The following PKIB variants were observed in gnomAD, a reference collection of about 807,000 sequenced individuals.
PKIB encodes PKI-beta.
A neutral mutation model predicts 4.5 loss-of-function variants in PKIB; 2 were observed. The observed-to-expected ratio is 0.44, with a 90% CI of 0.18 to 1.39. The LOEUF is 1.39. Ranked by LOEUF, PKIB falls within the 40% of genes most tolerant of loss-of-function variation. PKIB has a pLI of 0.27. For missense variants in PKIB, 94 were observed against 92.6 expected, an observed-to-expected ratio of 1.02 and a Z score of -0.06; for synonymous variants, 38 against 36.0, an observed-to-expected ratio of 1.06 and a Z score of -0.20.
intron 2 of PKIB, among the ~76,000 whole-genome samples, chr6:122,547,388 T>G (rs558914974): frequency 9.9e-5 from 15 of 152,098 alleles, no homozygotes; most frequent in Non-Finnish European, 1.3e-4. Flanking sequence ...CAGGCTGGAG[T>G]GCAATGGCAC....
chr6:122,711,309 C>G (rs1779265347), intron 3 of PKIB, among the ~76,000 whole-genome samples: 1 of 152,090 alleles, frequency 6.6e-6, no homozygotes, highest in Non-Finnish European at 1.5e-5. Context: ...TTACGGAAAG[C>G]AGCAGGAGGA....
chr6:122,651,238 C>G (rs1233806305), intron 2 of PKIB, among the ~76,000 whole-genome samples: 1 of 152,186 alleles, frequency 6.6e-6, no homozygotes, highest in Non-Finnish European at 1.5e-5. Flanking sequence ...ACAATTATCC[C>G]ACATACTTAA....
At chr6:122,707,863 TG>T (rs1227310384) in intron 3 of PKIB, among the ~76,000 whole-genome samples, 1 of 152,212 alleles carries the variant, frequency 6.6e-6, no homozygotes, top group East Asian at 1.9e-4. Context: ...GCACTGTTAC[TG>T]GATAGCGGGA....
intron 2 of PKIB, among the ~76,000 whole-genome samples, chr6:122,569,010 T>C (rs1773278321): frequency 6.6e-6 from 1 of 152,032 alleles, no homozygotes; most frequent in African/African-American, 2.4e-5. Context: ...TACTCTCCAC[T>C]CCCTTTGCAA....
At chr6:122,485,547 C>T (rs948729235) in intron 2 of PKIB, among the ~76,000 whole-genome samples, 18 of 152,096 alleles carry the variant, frequency 1.2e-4, no homozygotes, top group Admixed American at 7.2e-4. Context: ...TAGCATCAGT[C>T]GTGTGTTACT....
At chr6:122,701,616 C>A in intron 3 of PKIB, 1 of 1,206,174 alleles carries the variant, frequency 8.3e-7, no homozygotes, top group Non-Finnish European at 1.2e-6. Flanking sequence ...GCAGTTCTGT[C>A]TCAGGTACCC....
intron 2 of PKIB, among the ~76,000 whole-genome samples, chr6:122,562,004 G>GTTTT (rs758656278): frequency 2.5e-5 from 2 of 79,478 alleles, no homozygotes; most frequent in Admixed American, 1.7e-4. Context: ...GTTTTTTTTT[G>GTTTT]TTTTTTTTTT....
At chr6:122,609,686 A>T (rs548422929), upstream of PKIB, among the ~76,000 whole-genome samples, 26 of 152,356 alleles carry the variant, frequency 1.7e-4, no homozygotes, top group Admixed American at 1.5e-3. Context: ...CAGGAAGCAG[A>T]TAAATTAATT....
intron 2 of PKIB, among the ~76,000 whole-genome samples, chr6:122,582,727 A>G (rs994783642): frequency 3.3e-5 from 5 of 152,114 alleles, no homozygotes; most frequent in Non-Finnish European, 5.9e-5. Context: ...ACTCATGGCC[A>G]GGTTAATATT....
intron 1 of PKIB, among the ~76,000 whole-genome samples, chr6:122,628,042 CTT>C (rs68139551): frequency 9.1e-5 from 13 of 142,384 alleles, no homozygotes; most frequent in Non-Finnish European, 9.3e-5. Flanking sequence ...GTATCCAGTT[CTT>C]TTTTTTTTTT....
In PKIB at chr6:122,517,090, G is replaced by A. The variant is rs80110743; in HGVS notation, c.-248+39151G>A. On this transcript the variant is annotated intron_variant, in intron 2 of 6. Transcript: ENST00000392491. ...ATGGTCTTTAAAAATATTCCATCAC[G>A]GATTATGTTTCTGTTTTTTTGTTGT... is the stretch of plus-strand genomic sequence containing the variant. Among the ~76,000 whole-genome samples the A allele has an allele frequency of 1.6e-3, 250 of 152,132 alleles. 2 individuals carry two copies. The East Asian group carries it at 0.032, about 20-fold the overall frequency.
At chr6:122,722,469 A>G (rs534335050) in intron 4 of PKIB, among the ~76,000 whole-genome samples, 5 of 152,284 alleles carry the variant, frequency 3.3e-5, no homozygotes, top group African/African-American at 4.8e-5. Flanking sequence ...ACTTCATATC[A>G]TCTTCTGCTC....
chr6:122,547,160 T>G (rs184871036), intron 2 of PKIB, among the ~76,000 whole-genome samples: 6 of 152,116 alleles, frequency 3.9e-5, no homozygotes, highest in Admixed American at 3.9e-4. Context: ...CCTCTCAGAT[T>G]TGGAAAGGTG....
chr6:122,514,588 A>G (rs1026493273), intron 2 of PKIB, among the ~76,000 whole-genome samples: 12 of 152,236 alleles, frequency 7.9e-5, no homozygotes, highest in African/African-American at 1.2e-4. Context: ...TAAGGGTTTA[A>G]AATATTTATC....
At chr6:122,485,209 T>TG (rs1775729869) in intron 2 of PKIB, among the ~76,000 whole-genome samples, 25 of 151,378 alleles carry the variant, frequency 1.7e-4, no homozygotes, top group South Asian at 2.1e-4. Flanking sequence ...ACAAAAATAT[T>TG]CTTTTTTTTT....
intron 1 of PKIB, among the ~76,000 whole-genome samples, chr6:122,613,837 C>A (rs1774868747): frequency 6.6e-6 from 1 of 151,622 alleles, no homozygotes; most frequent in Admixed American, 6.6e-5. Context: ...GTGGTGCACA[C>A]CTGTAGTCCC....
In PKIB at chr6:122,576,708, A is replaced by ATT. The variant is rs1260230833; in HGVS notation, c.-247-9212_-247-9211insTT. On this transcript the variant is annotated intron_variant, in intron 2 of 6. Coordinates refer to the PKIB transcript ENST00000392491. ...AAAAAAAATATATATATATATATAT[A>ATT]TATTTTCTTTTGTATAATTATACCT... Among the ~76,000 whole-genome samples the ATT allele has an allele frequency of 2.4e-4, 27 of 113,926 alleles. 1 individual carries two copies. The highest frequency in any genetic ancestry group is 1.1e-3 in the African/African-American group (27 of 25,620). 74.7% of individuals were successfully genotyped at this position (113,926 alleles called of 152,430 possible).
intron 2 of PKIB, among the ~76,000 whole-genome samples, chr6:122,493,862 C>A (rs1433949221): frequency 2.6e-5 from 4 of 152,116 alleles, no homozygotes; most frequent in Non-Finnish European, 5.9e-5. Context: ...CAGCCAGGGA[C>A]CACATTGTTC....
rs762409400 is a variant in PKIB, at chr6:122,522,691, G to A, written c.-248+44752G>A. ...GTTTCCCCAACCCCTTTTGCTTCCC[G>A]GGTGAGGCAATGCCCCACCCTGCTT... On this transcript the variant is annotated intron_variant, in intron 2 of 6. Coordinates refer to the PKIB transcript ENST00000392491. Among the ~76,000 whole-genome samples, 5 of 152,162 alleles carry A rather than the reference G, an allele frequency of 3.3e-5. No homozygotes were observed. The South Asian group carries it at 6.2e-4, about 19-fold the overall frequency.
Sources: allele counts gnomAD v4.1 joint callset (sites outside exome capture counted in the v4.1 genomes callset), GRCh38; gene constraint gnomAD v4.1.1; transcripts MANE v1.5; gene names NCBI Gene and HGNC (gene_info 2026-07-23, HGNC 2026-07-21).